Variants in PLA2G4A observed in about 807,000 individuals in gnomAD.
The protein encoded by PLA2G4A is phospholipase A2 group IVA, also known as cytosolic phospholipase A2.
A neutral mutation model predicts 81.9 loss-of-function variants in PLA2G4A; 40 were observed. The ratio of observed to expected loss-of-function variants is 0.49; its 90% CI spans 0.38 to 0.64. The LOEUF (loss-of-function observed/expected upper bound fraction) is 0.64, where lower values mean the gene tolerates loss of function less well. PLA2G4A is among the 30% of genes least tolerant of loss of function. The pLI, the probability that PLA2G4A is intolerant of heterozygous loss-of-function variation, is 0.00. For missense variants in PLA2G4A, 715 were observed against 905.1 expected, an observed-to-expected ratio of 0.79 and a Z score of 2.69; for synonymous variants, 302 against 296.9, an observed-to-expected ratio of 1.02 and a Z score of -0.18.
intron 5 of PLA2G4A, among the ~76,000 whole-genome samples, chr1:186,902,135 T>C (rs1654562540): frequency 6.6e-6 from 1 of 152,148 alleles, no homozygotes; most frequent in African/African-American, 2.4e-5. Context: ...CTGAATACAA[T>C]AGGCATTTGC....
chr1:186,908,264 A>G (rs536294704), intron 6 of PLA2G4A, among the ~76,000 whole-genome samples: 4 of 152,158 alleles, frequency 2.6e-5, no homozygotes, highest in African/African-American at 9.6e-5. Flanking sequence ...TTGAATTTTC[A>G]TCCAGATTTT....
rs1217395786 is a variant in PLA2G4A, at chr1:186,932,765, G to A, written c.561G>A (p.Val187=). ...NSEGLHSARD[V]PVVAILGSGG... is the part of the protein sequence containing the mutation. ...ATCTCTCTGTTGCATCGTTTCAGGT[G>A]CCTGTGGTAGCCATATTGGGTTCAG... The change falls in exon 8 of 18, where the codon GTG becomes GTA. Residue 187 remains valine, a splice_region_variant and synonymous_variant. Coordinates refer to ENST00000367466, the MANE Select transcript of PLA2G4A (RefSeq NM_024420.3). 2 of 1,613,462 alleles carry A rather than the reference G, an allele frequency of 1.2e-6. No homozygotes were observed. The highest frequency in any genetic ancestry group is 3.3e-5 in the Admixed American group (2 of 59,974).
At chr1:186,979,166 G>C in intron 16 of PLA2G4A, 149 bp from the exon 17 acceptor site, 1 of 683,390 alleles carries the variant, frequency 1.5e-6, no homozygotes, top group African/African-American at 1.8e-5. Flanking sequence ...AGAACACACA[G>C]ACACGATAAA....
chr1:186,901,113 C>A (rs2102131233), intron 5 of PLA2G4A, among the ~76,000 whole-genome samples: 1 of 152,196 alleles, frequency 6.6e-6, no homozygotes, highest in Middle Eastern at 3.4e-3. Flanking sequence ...GTTATTGAGA[C>A]AAAGTGGAGT....
At chr1:186,872,548 T>C (rs1653316832) in intron 3 of PLA2G4A, among the ~76,000 whole-genome samples, 1 of 151,976 alleles carries the variant, frequency 6.6e-6, no homozygotes, top group South Asian at 2.1e-4. Context: ...AGCGTTCTGT[T>C]GTGTAGAGAC....
intron 7 of PLA2G4A, among the ~76,000 whole-genome samples, chr1:186,919,186 C>T (rs888352807): frequency 2.0e-5 from 3 of 152,210 alleles, no homozygotes; most frequent in African/African-American, 4.8e-5. Context: ...GGCTCCCAAT[C>T]GCCCCTCTTT....
Position 186,988,538 on chromosome 1 carries a change from G to C in PLA2G4A, c.*30G>C, listed in dbSNP as rs963908846. The stretch of plus-strand genomic sequence containing the variant: ...TGTACTGGAAATGGCAGCAGTTTCT[G>C]ATGCTGAGGCAGTTTGCAATCCCAT... On this transcript the variant is annotated 3_prime_UTR_variant, in exon 18 of 18. Coordinates refer to ENST00000367466, the MANE Select transcript of PLA2G4A (RefSeq NM_024420.3). 1 of 1,602,288 alleles carries C rather than the reference G, an allele frequency of 6.2e-7. No individual in the cohort carries two copies. The highest frequency in any genetic ancestry group is 8.5e-7 in the Non-Finnish European group (1 of 1,171,604).
chr1:186,890,630 C>CAGATCAGG (rs996957436), intron 3 of PLA2G4A, among the ~76,000 whole-genome samples: 1 of 151,810 alleles, frequency 6.6e-6, no homozygotes, highest in African/African-American at 2.4e-5. Flanking sequence ...CTGAGGCGGG[C>CAGATCAGG]AGATCAGGAG....
intron 17 of PLA2G4A, among the ~76,000 whole-genome samples, chr1:186,987,611 T>A (rs1447522270): frequency 6.6e-6 from 1 of 152,184 alleles, no homozygotes; most frequent in African/African-American, 2.4e-5. Flanking sequence ...CCAAAGCCCA[T>A]TTCCACTGCT....
chr1:186,937,263 G>C (rs77838514), intron 8 of PLA2G4A, among the ~76,000 whole-genome samples: 44,212 of 151,004 alleles, frequency 0.29, 8,481 homozygotes, highest in African/African-American at 0.54. Context: ...AAGAGAGAGA[G>C]AGAGAGAGAG....
At chr1:186,839,364 T>TC (rs1651897787) in intron 1 of PLA2G4A, among the ~76,000 whole-genome samples, 1 of 152,254 alleles carries the variant, frequency 6.6e-6, no homozygotes, top group Non-Finnish European at 1.5e-5. Flanking sequence ...GGAAAGTCAT[T>TC]CTGCACTTTA....
intron 15 of PLA2G4A, among the ~76,000 whole-genome samples, chr1:186,967,010 T>C (rs1398794172): frequency 6.6e-6 from 1 of 152,146 alleles, no homozygotes; most frequent in Non-Finnish European, 1.5e-5. Context: ...GAGATGGAGT[T>C]ATTATTTTGA....
At chr1:186,963,878 T>C (rs747058801) in intron 14 of PLA2G4A, among the ~76,000 whole-genome samples, 4 of 152,246 alleles carry the variant, frequency 2.6e-5, no homozygotes, top group Non-Finnish European at 5.9e-5. Context: ...GTCTCATTGG[T>C]GTTTTTACTT....
chr1:186,956,361 A>T lies in PLA2G4A; in HGVS notation c.1579+17A>T. 1 of 1,609,108 alleles carries T rather than the reference A, an allele frequency of 6.2e-7. No individual in the cohort carries two copies. The highest frequency in any genetic ancestry group is 1.1e-5 in the South Asian group (1 of 90,984). The stretch of plus-strand genomic sequence containing the variant: ...CTGTAGCAGGTAAGTGTACAAATAT[A>T]ATTAGTGGGAGCTAATGCAGGAGAT... On this transcript the variant is annotated intron_variant, in intron 14 of 17. Coordinates refer to ENST00000367466, the MANE Select transcript of PLA2G4A (RefSeq NM_024420.3).
chr1:186,899,850 A>C (rs1234842689), intron 5 of PLA2G4A, among the ~76,000 whole-genome samples: 1 of 152,194 alleles, frequency 6.6e-6, no homozygotes, highest in Non-Finnish European at 1.5e-5. Context: ...TGGCGAGTGC[A>C]GGGTGACTTG....
intron 3 of PLA2G4A, among the ~76,000 whole-genome samples, chr1:186,874,737 T>TA (rs541119393): frequency 1.2e-4 from 18 of 152,152 alleles, no homozygotes; most frequent in African/African-American, 4.3e-4. Flanking sequence ...TATACTCTAA[T>TA]AAAAAATACA....
At chr1:186,880,461 A>G (rs963182909) in intron 3 of PLA2G4A, among the ~76,000 whole-genome samples, 1 of 151,916 alleles carries the variant, frequency 6.6e-6, no homozygotes, top group African/African-American at 2.4e-5. Flanking sequence ...CTGGGAAACA[A>G]TTTTGCCTCC....
chr1:186,900,790 T>C (rs1056114665), intron 5 of PLA2G4A, among the ~76,000 whole-genome samples: 3 of 152,236 alleles, frequency 2.0e-5, no homozygotes, highest in Non-Finnish European at 2.9e-5. Flanking sequence ...GGCCAATACT[T>C]TGAGGAAAGT....
intron 14 of PLA2G4A, among the ~76,000 whole-genome samples, chr1:186,959,854 A>T (rs1248149660): frequency 6.6e-6 from 1 of 152,156 alleles, no homozygotes; most frequent in Non-Finnish European, 1.5e-5. Context: ...ACTTATTTAA[A>T]ACATTAATTA....
Sources: allele counts gnomAD v4.1 joint callset (sites outside exome capture counted in the v4.1 genomes callset), GRCh38; gene constraint gnomAD v4.1.1; transcripts MANE v1.5; gene names NCBI Gene and HGNC (gene_info 2026-07-23, HGNC 2026-07-21).